Variants in DCC observed in about 807,000 individuals in gnomAD.
DCC encodes DCC netrin 1 receptor.
A neutral mutation model predicts 172.5 loss-of-function variants in DCC; 58 were observed. The ratio of observed to expected loss-of-function variants is 0.34; its 90% CI spans 0.27 to 0.42. The LOEUF (loss-of-function observed/expected upper bound fraction) is 0.42. Ranked by LOEUF, DCC falls within the 10% of genes least tolerant of loss-of-function variation. The pLI is 1.00. For missense variants in DCC, 1,740 were observed against 1,791.0 expected, an observed-to-expected ratio of 0.97 and a Z score of 0.51; for synonymous variants, 709 against 644.5, an observed-to-expected ratio of 1.10 and a Z score of -1.52.
intron 12 of DCC, among the ~76,000 whole-genome samples, chr18:53,219,524 A>T (rs1282469709): frequency 6.6e-6 from 1 of 152,086 alleles, no homozygotes; most frequent in Non-Finnish European, 1.5e-5. Context: ...TTTAAATGCA[A>T]ATTGATGGAT....
At chr18:52,866,697 GT>G (rs2039234266) in intron 2 of DCC, among the ~76,000 whole-genome samples, 1 of 152,138 alleles carries the variant, frequency 6.6e-6, no homozygotes, top group Non-Finnish European at 1.5e-5. Flanking sequence ...TATTATTTGT[GT>G]ATAGGAATGC....
chr18:53,236,198 T>C (rs72923295), intron 12 of DCC, among the ~76,000 whole-genome samples: 7 of 152,228 alleles, frequency 4.6e-5, no homozygotes, highest in Admixed American at 6.5e-5. Context: ...GCAACAGAGG[T>C]ATATGGAAAT....
At chr18:53,302,837 T>G (rs1421541838) in intron 12 of DCC, among the ~76,000 whole-genome samples, 1 of 152,188 alleles carries the variant, frequency 6.6e-6, no homozygotes, top group East Asian at 1.9e-4. Flanking sequence ...TTACTGTTGA[T>G]CATGTTTTAT....
At chr18:52,525,963 C>T (rs2031969291) in intron 1 of DCC, among the ~76,000 whole-genome samples, 2 of 152,192 alleles carry the variant, frequency 1.3e-5, no homozygotes, top group Non-Finnish European at 2.9e-5. Flanking sequence ...GGTCCAAATG[C>T]ACATTGCACT....
At chr18:53,282,224 G>A (rs2056880982) in intron 12 of DCC, among the ~76,000 whole-genome samples, 1 of 152,094 alleles carries the variant, frequency 6.6e-6, no homozygotes, top group African/African-American at 2.4e-5. Flanking sequence ...TAAAAGCACA[G>A]GTGTGTTCCG....
intron 2 of DCC, among the ~76,000 whole-genome samples, chr18:52,869,175 C>T (rs1358338163): frequency 6.6e-6 from 1 of 152,202 alleles, no homozygotes; most frequent in Admixed American, 6.5e-5. Context: ...TTTGTTGGTT[C>T]CCAAGTTCTC....
At chr18:52,782,370 C>G (rs113720878) in intron 2 of DCC, among the ~76,000 whole-genome samples, 8,033 of 151,472 alleles carry the variant, frequency 0.053, 287 homozygotes, top group South Asian at 0.16. Context: ...TTCTGAGACA[C>G]GTGCTTATAA....
At chr18:52,534,592 A>G (rs1228904105) in intron 1 of DCC, among the ~76,000 whole-genome samples, 1 of 152,184 alleles carries the variant, frequency 6.6e-6, no homozygotes, top group Non-Finnish European at 1.5e-5. Context: ...GGCCCGCAGT[A>G]GGTGCTGTGA....
chr18:52,497,280 A>AAAAAAAATAT (rs1555689730), intron 1 of DCC, among the ~76,000 whole-genome samples: 6 of 21,572 alleles, frequency 2.8e-4, no homozygotes, highest in Non-Finnish European at 4.2e-4. Context: ...AAAAAAAAAA[A>AAAAAAAATAT]ATATATATAT....
intron 5 of DCC, among the ~76,000 whole-genome samples, chr18:52,930,112 C>T (rs2040284609): frequency 6.6e-6 from 1 of 151,728 alleles, no homozygotes; most frequent in African/African-American, 2.4e-5. Context: ...TTTTTTCTTT[C>T]TTTTCTTTTT....
intron 12 of DCC, among the ~76,000 whole-genome samples, chr18:53,303,194 T>C (rs770018375): frequency 6.6e-6 from 1 of 152,242 alleles, no homozygotes; most frequent in Non-Finnish European, 1.5e-5. Context: ...TTTTGAGAGA[T>C]TTCTTTTAAT....
intron 28 of DCC, 60 bp downstream of exon 28, chr18:53,526,819 T>C: frequency 6.3e-7 from 1 of 1,590,630 alleles, no homozygotes; most frequent in African/African-American, 1.4e-5. Flanking sequence ...CGCTGTGTAA[T>C]AGCATCTAAA....
At chr18:52,500,314 G>T (rs1198175683) in intron 1 of DCC, among the ~76,000 whole-genome samples, 1 of 152,128 alleles carries the variant, frequency 6.6e-6, no homozygotes, top group Non-Finnish European at 1.5e-5. Flanking sequence ...GGCAAATGAA[G>T]ACTGAACAGA....
intron 22 of DCC, among the ~76,000 whole-genome samples, chr18:53,441,077 A>G (rs1330274376): frequency 1.3e-5 from 2 of 152,186 alleles, no homozygotes; most frequent in East Asian, 3.9e-4. Flanking sequence ...TAGCAATCCA[A>G]AATGTCTGTA....
intron 2 of DCC, among the ~76,000 whole-genome samples, chr18:52,883,437 T>C (rs2039522820): frequency 6.7e-6 from 1 of 150,170 alleles, no homozygotes; most frequent in South Asian, 2.1e-4. Context: ...TTTTCTCTAG[T>C]GATATATTTT....
intron 9 of DCC, among the ~76,000 whole-genome samples, chr18:53,185,524 T>TTAG (rs1280988641): frequency 6.6e-6 from 1 of 152,212 alleles, no homozygotes; most frequent in African/African-American, 2.4e-5. Context: ...TTCCAACTTC[T>TTAG]TAGTAGCACT....
At chr18:52,687,796 A>G (rs2035866572) in intron 1 of DCC, among the ~76,000 whole-genome samples, 2 of 152,100 alleles carry the variant, frequency 1.3e-5, no homozygotes, top group African/African-American at 4.8e-5. Flanking sequence ...CCAAGAGTGT[A>G]TAGGTATTGT....
chr18:53,268,266 G>A (rs1346189446), intron 12 of DCC, among the ~76,000 whole-genome samples: 1 of 151,966 alleles, frequency 6.6e-6, no homozygotes, highest in Non-Finnish European at 1.5e-5. Flanking sequence ...AAAAATGTTA[G>A]CAATTCAAAC....
intron 1 of DCC, among the ~76,000 whole-genome samples, chr18:52,646,843 C>T (rs1213520754): frequency 6.6e-6 from 1 of 152,132 alleles, no homozygotes; most frequent in African/African-American, 2.4e-5. Flanking sequence ...ATCTCGAGCT[C>T]CCTCTCTTTT....
Sources: gnomAD v4.1 joint callset for allele counts (sites outside exome capture counted in the v4.1 genomes callset) on GRCh38, gnomAD v4.1.1 for gene constraint, MANE v1.5 for transcripts, NCBI Gene and HGNC (gene_info 2026-07-23, HGNC 2026-07-21) for gene names.